Variants in ERC2 observed in about 807,000 individuals in gnomAD.
ERC2 encodes the protein ELKS/RAB6-interacting/CAST family member 2.
In ERC2, 42 loss-of-function variants were observed where a neutral mutation model predicts 114.8. The observed-to-expected ratio is 0.37, with a 90% CI of 0.29 to 0.47. The LOEUF is 0.47. Ranked by LOEUF, ERC2 falls within the 20% of genes least tolerant of loss-of-function variation. The probability of loss-of-function intolerance (pLI) is 0.99; values close to 1 mark genes in which losing one functional copy is unlikely to be tolerated. For synonymous variants in ERC2, 454 were observed against 425.5 expected (o/e 1.07, Z -0.82); for missense variants, 939 against 1,150.7 (o/e 0.82, Z 2.66).
chr3:56,062,200 G>T (rs2076271984), intron 7 of ERC2, among the ~76,000 whole-genome samples: 1 of 152,128 alleles, frequency 6.6e-6, no homozygotes, highest in East Asian at 1.9e-4. Flanking sequence ...TTACATGTAA[G>T]CTAATTATTT....
At chr3:55,870,795 C>G (rs1023273502) in intron 14 of ERC2, among the ~76,000 whole-genome samples, 1 of 152,226 alleles carries the variant, frequency 6.6e-6, no homozygotes, top group African/African-American at 2.4e-5. Flanking sequence ...ATTGTCACCA[C>G]TCAGTCTTCC....
Position 55,666,179 on chromosome 3 carries a change from C to T in ERC2, c.*39+17615G>A, listed in dbSNP as rs1035311280. Among the ~76,000 whole-genome samples the T allele has an allele frequency of 3.3e-5, 5 of 152,226 alleles. 1 individual carries two copies. The highest frequency in any genetic ancestry group is 4.8e-5 in the African/African-American group (2 of 41,544). ...GTCACAGAGCTCATCAGCGGTGGAGCGGGGATTTGAATCAAGTCTGTTGAC... is the reference window on the plus strand; with the variant it reads ...GTCACAGAGCTCATCAGCGGTGGAGTGGGGATTTGAATCAAGTCTGTTGAC... On this transcript the variant is annotated intron_variant, in intron 17 of 17. Coordinates refer to ENST00000288221, the MANE Select transcript of ERC2 (RefSeq NM_015576.3).
chr3:55,703,206 C>T (rs2063315211), intron 15 of ERC2, among the ~76,000 whole-genome samples: 3 of 152,152 alleles, frequency 2.0e-5, no homozygotes. Context: ...GATTCAAGTT[C>T]TTGGGAGGCT....
intron 1 of ERC2, among the ~76,000 whole-genome samples, chr3:56,458,815 A>G (rs2063181486): frequency 6.6e-6 from 1 of 152,164 alleles, no homozygotes; most frequent in Non-Finnish European, 1.5e-5. Flanking sequence ...GAAAGAAAAG[A>G]CATCAAAAAT....
chr3:55,685,045 A>C (rs2062254460), intron 16 of ERC2, among the ~76,000 whole-genome samples: 1 of 152,260 alleles, frequency 6.6e-6, no homozygotes, highest in African/African-American at 2.4e-5. Flanking sequence ...AGTTTCATAC[A>C]GTTCCACCTA....
intron 14 of ERC2, among the ~76,000 whole-genome samples, chr3:55,855,340 A>G (rs913878503): frequency 6.6e-5 from 10 of 152,266 alleles, no homozygotes; most frequent in Non-Finnish European, 1.2e-4. Flanking sequence ...AATAATAAAC[A>G]TGGAGAAAAT....
chr3:55,979,370 G>A (rs760280462), intron 12 of ERC2, among the ~76,000 whole-genome samples: 2 of 152,132 alleles, frequency 1.3e-5, no homozygotes, highest in Non-Finnish European at 2.9e-5. Flanking sequence ...TTTTTCCCAG[G>A]ACCTAAAGTA....
intron 17 of ERC2, among the ~76,000 whole-genome samples, chr3:55,651,541 G>C (rs549962803): frequency 9.2e-5 from 14 of 152,006 alleles, no homozygotes; most frequent in African/African-American, 2.7e-4. Context: ...TCTTGAACTG[G>C]GTCTTTCGCT....
At chr3:55,549,892 C>A in intron 17 of ERC2, among the ~76,000 whole-genome samples, 1 of 151,774 alleles carries the variant, frequency 6.6e-6, no homozygotes, top group East Asian at 1.9e-4. Flanking sequence ...TCCTTTCTCT[C>A]TCTCTCTCTG....
chr3:56,289,645 C>CA (rs754811473), intron 3 of ERC2, among the ~76,000 whole-genome samples: 1 of 152,216 alleles, frequency 6.6e-6, no homozygotes, highest in East Asian at 1.9e-4. Context: ...TGATTTGACT[C>CA]AGTCATCTGC....
chr3:56,185,181 T>G (rs1004453359), intron 3 of ERC2: 10 of 152,340 alleles, frequency 6.6e-5, no homozygotes, highest in Non-Finnish European at 1.3e-4. Flanking sequence ...CTGGTTAGTA[T>G]TGGGGTGAGA....
intron 4 of ERC2, among the ~76,000 whole-genome samples, chr3:56,172,190 T>C (rs1180454950): frequency 6.6e-6 from 1 of 152,140 alleles, no homozygotes; most frequent in Non-Finnish European, 1.5e-5. Context: ...AAACAACTGA[T>C]GAGCCAGGGT....
chr3:55,718,931 C>A, intron 15 of ERC2, among the ~76,000 whole-genome samples: 1 of 152,108 alleles, frequency 6.6e-6, no homozygotes, highest in East Asian at 1.9e-4. Context: ...TGGGGGTGAG[C>A]CACAGTTGGC....
At chr3:55,677,879 C>T (rs2061886987) in intron 17 of ERC2, among the ~76,000 whole-genome samples, 1 of 152,190 alleles carries the variant, frequency 6.6e-6, no homozygotes, top group Non-Finnish European at 1.5e-5. Flanking sequence ...CTATGTACTA[C>T]TCTAAGCTCC....
chr3:55,987,242 G>A (rs1028969276), intron 11 of ERC2, among the ~76,000 whole-genome samples: 1 of 152,188 alleles, frequency 6.6e-6, no homozygotes, highest in Non-Finnish European at 1.5e-5. Context: ...GATCACTGTG[G>A]GGACTTTGGC....
chr3:55,520,011 T>C (rs2052794638), intron 17 of ERC2, among the ~76,000 whole-genome samples: 1 of 150,406 alleles, frequency 6.6e-6, no homozygotes. Context: ...GCCATGATTA[T>C]GCCACTGCAC....
chr3:55,837,451 G>GC (rs532460106), intron 14 of ERC2, among the ~76,000 whole-genome samples: 5 of 152,070 alleles, frequency 3.3e-5, no homozygotes, highest in Admixed American at 6.5e-5. Flanking sequence ...CATGTCCTTT[G>GC]CAGGGACATG....
At chr3:55,950,937 G>T (rs1391608853) in intron 12 of ERC2, among the ~76,000 whole-genome samples, 43 of 152,206 alleles carry the variant, frequency 2.8e-4, no homozygotes, top group Admixed American at 2.8e-3. Context: ...AGTGGAAGGA[G>T]ATGACTTTAG....
chr3:55,765,740 G>A (rs1046129833), intron 14 of ERC2, among the ~76,000 whole-genome samples: 2 of 152,118 alleles, frequency 1.3e-5, no homozygotes, highest in African/African-American at 4.8e-5. Context: ...CTTTAAAGAT[G>A]GACCGCAGAC....
Sources: allele counts gnomAD v4.1 joint callset (sites outside exome capture counted in the v4.1 genomes callset), GRCh38; gene constraint gnomAD v4.1.1; transcripts MANE v1.5; gene names NCBI Gene and HGNC (gene_info 2026-07-23, HGNC 2026-07-21).